The following NELL1 variants were observed in gnomAD, a reference collection of about 807,000 sequenced individuals.
The protein encoded by NELL1 is protein kinase C-binding protein NELL1.
NELL1 carries 76 observed loss-of-function variants against 107.4 expected under a neutral mutation model. The ratio of observed to expected loss-of-function variants is 0.71; its 90% CI spans 0.59 to 0.86. The LOEUF is 0.86. Among genes scored for constraint, NELL1 ranks in the 40% least tolerant of loss-of-function variants. The pLI, the probability that NELL1 is intolerant of heterozygous loss-of-function variation, is 0.00. For synonymous variants in NELL1, 353 were observed against 341.2 expected (o/e 1.03, Z -0.38); for missense variants, 1,024 against 1,005.5 (o/e 1.02, Z -0.25).
At chr11:20,725,082 T>G (rs1855479440) in intron 2 of NELL1, among the ~76,000 whole-genome samples, 1 of 152,118 alleles carries the variant, frequency 6.6e-6, no homozygotes, top group Non-Finnish European at 1.5e-5. Flanking sequence ...TCCCTCAACA[T>G]GTGGGGATTA....
chr11:21,423,167 C>A (rs1287770649), intron 15 of NELL1, among the ~76,000 whole-genome samples: 2 of 151,968 alleles, frequency 1.3e-5, no homozygotes, highest in Non-Finnish European at 2.9e-5. Context: ...GAGATGGAGA[C>A]CATCCTCGCC....
intron 2 of NELL1, among the ~76,000 whole-genome samples, chr11:20,758,449 C>T (rs554798070): frequency 1.3e-5 from 2 of 152,296 alleles, no homozygotes; most frequent in African/African-American, 4.8e-5. Flanking sequence ...TCTTCCTATC[C>T]TACTGACCCT....
rs1046233198 is a variant in NELL1 at position 21,420,866 on chromosome 11, G to A, written c.1645+49918G>A. Among the ~76,000 whole-genome samples, 6 of 152,094 alleles carry A rather than the reference G, an allele frequency of 3.9e-5. 1 individual carries two copies. Among genetic ancestry groups the A allele is most frequent in the Admixed American group, 6.6e-5 (1 of 15,256 alleles). ...TGGCAGTCTGGCACTTTTCAAGAGG[G>A]TGATTGGAAAATTCCTCCCTGAGGA... On this transcript the variant is annotated intron_variant, in intron 15 of 19. Coordinates refer to ENST00000357134, the MANE Select transcript of NELL1 (RefSeq NM_006157.5).
rs146963782 is a variant in NELL1, at chr11:21,136,055, A to C, written c.1426+22341A>C. Among the ~76,000 whole-genome samples, 314 of 152,336 alleles carry C rather than the reference A, an allele frequency of 2.1e-3. 2 individuals carry two copies. The highest frequency in any genetic ancestry group is 5.3e-3 in the Admixed American group (81 of 15,298). On this transcript the variant is annotated intron_variant, in intron 13 of 19. Coordinates refer to ENST00000357134, the MANE Select transcript of NELL1 (RefSeq NM_006157.5). Reference sequence around the variant, plus strand: ...TGCGAAGAAAACCAAAACAGGGTAAAGGATTAGGAAATTATTGGTGTGATC... The same window carrying C: ...TGCGAAGAAAACCAAAACAGGGTAACGGATTAGGAAATTATTGGTGTGATC...
At chr11:21,220,673 T>C (rs1164532835) in intron 13 of NELL1, among the ~76,000 whole-genome samples, 2 of 152,072 alleles carry the variant, frequency 1.3e-5, no homozygotes, top group Non-Finnish European at 2.9e-5. Flanking sequence ...TCAGCTAGTT[T>C]GTTGCTGATG....
At chr11:21,038,044 A>G (rs545154785) in intron 12 of NELL1, among the ~76,000 whole-genome samples, 2 of 152,298 alleles carry the variant, frequency 1.3e-5, no homozygotes, top group South Asian at 2.1e-4. Context: ...CAGGAAAAAA[A>G]TAGATGAAAC....
intron 15 of NELL1, among the ~76,000 whole-genome samples, chr11:21,423,569 A>G (rs1852746378): frequency 6.6e-6 from 1 of 152,158 alleles, no homozygotes; most frequent in African/African-American, 2.4e-5. Flanking sequence ...AAAGGATAAT[A>G]CCACCAGAAT....
intron 15 of NELL1, among the ~76,000 whole-genome samples, chr11:21,529,408 C>A (rs894658623): frequency 6.6e-6 from 1 of 152,176 alleles, no homozygotes; most frequent in East Asian, 1.9e-4. Flanking sequence ...GAAGAACTAG[C>A]CTGTTTCTGC....
At chr11:21,227,301 C>T (rs1009148680) in intron 13 of NELL1, among the ~76,000 whole-genome samples, 6 of 152,192 alleles carry the variant, frequency 3.9e-5, no homozygotes, top group African/African-American at 1.4e-4. Flanking sequence ...TGCTTGTTAT[C>T]CCAGTGTAAT....
intron 15 of NELL1, among the ~76,000 whole-genome samples, chr11:21,385,955 A>G (rs374151829): frequency 2.0e-5 from 3 of 151,198 alleles, no homozygotes; most frequent in Admixed American, 6.6e-5. Context: ...ATCTTTTCCT[A>G]TTTTCTCACA....
At position 21,195,737 on chromosome 11, in the gene NELL1, C is replaced by T. The variant is rs549471576; in HGVS notation, c.1427-33595C>T. Among the ~76,000 whole-genome samples, 275 of 152,152 alleles carry T rather than the reference C, an allele frequency of 1.8e-3. 1 individual carries two copies. Among genetic ancestry groups the T allele is most frequent in the Admixed American group, 3.2e-3 (49 of 15,272 alleles). Reference sequence around the variant, plus strand: ...TGAAATTCAGTGTATATCTTATACCCATAGCACATCTCAATCCATGCAAGC... The same window carrying T: ...TGAAATTCAGTGTATATCTTATACCTATAGCACATCTCAATCCATGCAAGC... On this transcript the variant is annotated intron_variant, in intron 13 of 19. Transcript: ENST00000357134.
intron 2 of NELL1, among the ~76,000 whole-genome samples, chr11:20,745,609 T>C (rs142395575): frequency 3.4e-3 from 515 of 152,300 alleles, no homozygotes; most frequent in Non-Finnish European, 5.3e-3. Context: ...AGTAGGTTAC[T>C]AGTAAGTAAT....
At chr11:21,102,014 A>G (rs573946677) in intron 12 of NELL1, among the ~76,000 whole-genome samples, 2 of 152,154 alleles carry the variant, frequency 1.3e-5, no homozygotes, top group Non-Finnish European at 2.9e-5. Context: ...CACTGTGACC[A>G]GCTAATTTTT....
intron 14 of NELL1, chr11:21,284,322 A>G (rs777610450): frequency 2.2e-6 from 1 of 457,396 alleles, no homozygotes; most frequent in South Asian, 1.5e-5. Context: ...AATCTGGAGC[A>G]TGAGAGTGTG....
chr11:20,699,792 T>C (rs1854724729), intron 2 of NELL1, among the ~76,000 whole-genome samples: 1 of 152,232 alleles, frequency 6.6e-6, no homozygotes, highest in Admixed American at 6.5e-5. Context: ...TCTGGGTAGA[T>C]ACCCAATAGT....
intron 14 of NELL1, among the ~76,000 whole-genome samples, chr11:21,333,873 CT>C (rs1850325926): frequency 6.6e-6 from 1 of 152,012 alleles, no homozygotes; most frequent in Non-Finnish European, 1.5e-5. Context: ...TAGAATTTTA[CT>C]GGAATTGGAG....
intron 15 of NELL1, among the ~76,000 whole-genome samples, chr11:21,399,383 C>A (rs1554905128): frequency 1.3e-5 from 2 of 151,504 alleles, no homozygotes; most frequent in Non-Finnish European, 3.0e-5. Flanking sequence ...CCAAGAAATG[C>A]ATAAGATTTA....
intron 12 of NELL1, among the ~76,000 whole-genome samples, chr11:21,046,248 G>A (rs909657268): frequency 1.6e-4 from 24 of 152,142 alleles, no homozygotes; most frequent in African/African-American, 5.8e-4. Context: ...ATAACTAAGA[G>A]TACACTTCTT....
chr11:21,351,830 G>A (rs1036674210), intron 14 of NELL1, among the ~76,000 whole-genome samples: 8 of 152,112 alleles, frequency 5.3e-5, no homozygotes, highest in African/African-American at 1.7e-4. Flanking sequence ...CAGAGAGAGC[G>A]TCTATTGAAA....
Sources: gnomAD v4.1 joint callset for allele counts (sites outside exome capture counted in the v4.1 genomes callset) on GRCh38, gnomAD v4.1.1 for gene constraint, MANE v1.5 for transcripts, NCBI Gene and HGNC (gene_info 2026-07-23, HGNC 2026-07-21) for gene names.